PLIN5: variants seen among roughly 807,000 people sequenced by gnomAD.
PLIN5 encodes perilipin-5.
In PLIN5, 34 loss-of-function variants were observed where a neutral mutation model predicts 32.8. The observed-to-expected ratio is 1.04, with a 90% confidence interval of 0.79 to 1.38. The LOEUF (loss-of-function observed/expected upper bound fraction) is 1.38. Ranked by LOEUF, PLIN5 falls within the 40% of genes most tolerant of loss-of-function variation. PLIN5 has a pLI of 0.00. For missense variants in PLIN5, 712 were observed against 660.5 expected (o/e 1.08, Z -0.85); for synonymous variants, 309 against 292.9 (o/e 1.05, Z -0.56).
In PLIN5 at chr19:4,523,437, C is replaced by G; in HGVS notation, c.*91G>C. On this transcript the variant is annotated 3_prime_UTR_variant, in exon 8 of 8. Coordinates refer to ENST00000381848, the MANE Select transcript of PLIN5 (RefSeq NM_001013706.3). This position sits in a 1 kb window ranked among gnomAD's most constrained non-coding sequence, Gnocchi z 5.0. ...CCTGATTCCAAAGAAGGGTCAAGGC[C>G]AAGGCCTCGAGCTTACGTGTGGCCA... 7.1e-7 allele frequency: 1 copy of G among 1,413,002 alleles called. No homozygotes were observed. Among genetic ancestry groups the G allele is most frequent in the Non-Finnish European group, 9.5e-7 (1 of 1,055,732 alleles). 87.5% of individuals were successfully genotyped at this position (1,413,002 alleles called of 1,614,324 possible). A position where few individuals can be genotyped will look rare whatever the true frequency, so the allele number is the denominator to read the frequency against.
At chr19:4,528,413 CT>C (rs374537863) in intron 5 of PLIN5, 633 of 144,916 alleles carry the variant, frequency 4.4e-3, no homozygotes, top group African/African-American at 8.8e-3. Context: ...TCTAGTTTTT[CT>C]TTTTTTTTTT....
rs762087907 is a variant in PLIN5, at chr19:4,525,772, T to C, written c.581A>G (p.Gln194Arg). The C allele has an allele frequency of 5.0e-6, 8 of 1,613,328 alleles. No homozygotes were observed. The highest frequency in any genetic ancestry group is 4.2e-6 in the Non-Finnish European group (5 of 1,179,978). ...EVGSVEDQRR[Q>R]QGYFVRLGSL... ...GCCGAGGCGCACAAAGTAGCCCTGC[T>C]GTCTCCTCTGATCCTCCACCGAACC... The change falls in exon 6 of 8, where the codon CAG becomes CGG. Residue 194 changes from glutamine to arginine, a missense_variant. Gln to Arg is a conservative substitution (Grantham distance 43). Transcript: ENST00000381848. The surrounding 1 kb of genome is among the most constrained non-coding windows in gnomAD (Gnocchi z 5.6).
intron 1 of PLIN5, among the ~76,000 whole-genome samples, chr19:4,534,571 A>C (rs1049975924): frequency 6.6e-6 from 1 of 152,060 alleles, no homozygotes; most frequent in Non-Finnish European, 1.5e-5. Flanking sequence ...GGGTTTCGCC[A>C]TGTTGCCCAG....
At chr19:4,526,903 A>G (rs1458475419) in intron 5 of PLIN5, among the ~76,000 whole-genome samples, 5 of 151,856 alleles carry the variant, frequency 3.3e-5, no homozygotes, top group Non-Finnish European at 1.5e-5. Context: ...TAATAAAAAA[A>G]GAGAAAATCC....
chr19:4,529,155 G>A lies in PLIN5; in HGVS notation c.438C>T (p.Ser146=), dbSNP rs145164043. The change falls in exon 5 of 8, where the codon TCC becomes TCT. Residue 146 remains serine (S), a synonymous_variant. Transcript: ENST00000381848. ...GTACAACATCCACAGCATGGCTCAC[G>A]GAGCGCTTCAGCTCCACGCTCCAGC... ...GRRWSVELKR[S]VSHAVDVVLE... 214 of 1,613,230 alleles carry A rather than the reference G, an allele frequency of 1.3e-4. 4 individuals are homozygous for A. The African/African-American group carries it at 1.8e-3, about 14-fold the overall frequency.
chr19:4,524,143 G>A (rs1344936601), intron 7 of PLIN5, 58 bp from the exon 8 acceptor site: 1 of 1,373,968 alleles, frequency 7.3e-7, no homozygotes, highest in Non-Finnish European at 9.4e-7. Context: ...CTGCTGTCCT[G>A]CCTCGGTTTC....
At chr19:4,526,797 A>G (rs989747427) in intron 5 of PLIN5, among the ~76,000 whole-genome samples, 10 of 151,558 alleles carry the variant, frequency 6.6e-5, no homozygotes, top group Non-Finnish European at 7.4e-5. Flanking sequence ...ATTGAAGGCT[A>G]TGGTTAGCTA....
rs750686826 is a variant in PLIN5 at position 4,523,893 on chromosome 19, C to T, written c.1027G>A (p.Ala343Thr). 34 of 1,514,998 alleles carry T rather than the reference C, an allele frequency of 2.2e-5. No homozygotes were observed. The Middle Eastern group carries it at 7.0e-4, about 31-fold the overall frequency. The allele number at this position is 1,514,998 out of a possible 1,614,324, so 93.8% of individuals were successfully genotyped here. The change falls in exon 8 of 8, where the codon GCG becomes ACG. Residue 343 changes from alanine (A) to threonine (T), a missense_variant. Transcript: ENST00000381848. This position sits in a 1 kb window ranked among gnomAD's most constrained non-coding sequence, Gnocchi z 5.0. ...ACGCGACCCCGGCCCTCGGCCAGCG[C>T]GGCCGCTGGCACGTCCCTGAAGCAG... Reference protein sequence around the residue: ...ARCFRDVPAAALAEGRGRVAH... With the variant: ...ARCFRDVPAATLAEGRGRVAH...
At position 4,531,614 on chromosome 19, in the gene PLIN5, C is replaced by T. The variant is rs529075547; in HGVS notation, c.256+13G>A. ...AAGCCACAGCTCCCAGGGACACGGG[C>T]CAGGGCACTCACGCTGGGGCTGCAG... is the stretch of plus-strand genomic sequence containing the variant. On this transcript the variant is annotated intron_variant, in intron 3 of 7. Coordinates refer to ENST00000381848, the MANE Select transcript of PLIN5 (RefSeq NM_001013706.3). 4.0e-6 allele frequency: 6 copies of T among 1,503,456 alleles called. No individual in the cohort carries two copies. In the East Asian group the frequency reaches 1.2e-4, roughly 31 times the overall value. 93.1% of individuals were successfully genotyped at this position (1,503,456 alleles called of 1,614,324 possible).
At chr19:4,534,577 C>T (rs147059431) in intron 1 of PLIN5, among the ~76,000 whole-genome samples, 2 of 152,218 alleles carry the variant, frequency 1.3e-5, no homozygotes, top group South Asian at 2.1e-4. Flanking sequence ...CGCCATGTTG[C>T]CCAGGCTGGT....
chr19:4,525,807 G>T lies in PLIN5; in HGVS notation c.546C>A (p.Gly182=). 6.2e-7 allele frequency: 1 copy of T among 1,612,586 alleles called. No homozygotes were observed. The highest frequency in any genetic ancestry group is 8.5e-7 in the Non-Finnish European group (1 of 1,179,748). Residue 182 remains glycine (G), a synonymous_variant, in exon 6 of 8, where the codon GGC becomes GGA. Transcript: ENST00000381848. This position sits in a 1 kb window ranked among gnomAD's most constrained non-coding sequence, Gnocchi z 5.6. ...GATCCTCCACCGAACCCACTTCAGGGCCTTCAGCCTCAGCCGCCAGTGCCG... is the reference window on the plus strand; with the variant it reads ...GATCCTCCACCGAACCCACTTCAGGTCCTTCAGCCTCAGCCGCCAGTGCCG... ...ELAALAAEAE[G]PEVGSVEDQR...
chr19:4,529,509 CAT>C lies in PLIN5; in HGVS notation c.340-258_340-257del, dbSNP rs1299234420. Reference sequence around the variant, plus strand: ...ACATATACACACATATACATATATACATGTATATATACACATATACATATATA... The same window carrying C: ...ACATATACACACATATACATATATACGTATATATACACATATACATATATA... On this transcript the variant is annotated intron_variant, in intron 4 of 7. Coordinates refer to ENST00000381848, the MANE Select transcript of PLIN5 (RefSeq NM_001013706.3). 7.7e-6 allele frequency: 4 copies of C among 518,780 alleles called. No individual in the cohort carries two copies. In the African/African-American group the frequency reaches 7.7e-5, roughly 10 times the overall value. 32.1% of individuals were successfully genotyped at this position (518,780 alleles called of 1,614,324 possible).
At chr19:4,524,831 C>T (rs1244670616) in intron 7 of PLIN5, 132 bp downstream of exon 7, 1 of 621,654 alleles carries the variant, frequency 1.6e-6, no homozygotes, top group East Asian at 3.4e-5. Context: ...ACTAGCTGAG[C>T]TCAGCACTTG....
rs560246661 is a variant in PLIN5 at position 4,525,247 on chromosome 19, A to T, written c.721-171T>A. On this transcript the variant is annotated intron_variant, in intron 6 of 7. Coordinates refer to ENST00000381848, the MANE Select transcript of PLIN5 (RefSeq NM_001013706.3). This position sits in a 1 kb window ranked among gnomAD's most constrained non-coding sequence, Gnocchi z 5.6. Reference sequence around the variant, plus strand: ...TTGGACCCCAAGGGAGGTGGGAGCCATAGAGGGCTGTGGGTAAAGAAGGGA... The same window carrying T: ...TTGGACCCCAAGGGAGGTGGGAGCCTTAGAGGGCTGTGGGTAAAGAAGGGA... 6.6e-6 allele frequency among the ~76,000 whole-genome samples: 1 copy of T among 152,244 alleles called. No individual in the cohort carries two copies. Among genetic ancestry groups the T allele is most frequent in the East Asian group, 1.9e-4 (1 of 5,180 alleles).
intron 2 of PLIN5, chr19:4,533,574 C>T (rs1188475645): frequency 2.2e-5 from 6 of 267,196 alleles, no homozygotes; most frequent in Admixed American, 9.8e-5. Flanking sequence ...CTGAACTGTT[C>T]GGTGCCTTTG....
chr19:4,530,818 G>T (rs769572166), intron 3 of PLIN5, among the ~76,000 whole-genome samples: 12 of 151,402 alleles, frequency 7.9e-5, no homozygotes, highest in Non-Finnish European at 1.5e-4. Context: ...GATTACAGGC[G>T]CCCTCCACCA....
intron 1 of PLIN5, among the ~76,000 whole-genome samples, chr19:4,534,687 G>A (rs1976926106): frequency 1.3e-5 from 2 of 152,104 alleles, no homozygotes; most frequent in Admixed American, 1.3e-4. Flanking sequence ...GTGATTTTTG[G>A]CAAGCACCTT....
Position 4,533,998 on chromosome 19 carries a change from G to A in PLIN5, c.60+17C>T. The A allele has an allele frequency of 1.2e-6, 2 of 1,610,582 alleles. No homozygotes were observed. Among genetic ancestry groups the A allele is most frequent in the African/African-American group, 1.3e-5 (1 of 74,922 alleles). On this transcript the variant is annotated intron_variant, in intron 2 of 7. Coordinates refer to ENST00000381848, the MANE Select transcript of PLIN5 (RefSeq NM_001013706.3). Reference sequence around the variant, plus strand: ...CAATACCTTCTGTCCCTGCTCCATGGGAGGGGCAGCCCTCACCTGCTGGTC... The same window carrying A: ...CAATACCTTCTGTCCCTGCTCCATGAGAGGGGCAGCCCTCACCTGCTGGTC...
At position 4,529,561 on chromosome 19, in the gene PLIN5, C is replaced by T. The variant is rs967043458; in HGVS notation, c.339+223G>A. 24 of 482,990 alleles carry T rather than the reference C, an allele frequency of 5.0e-5. No individual in the cohort carries two copies. The Admixed American group carries it at 7.4e-4, about 15-fold the overall frequency. The allele number at this position is 482,990 out of a possible 1,614,324, so 29.9% of individuals were successfully genotyped here. On this transcript the variant is annotated intron_variant, in intron 4 of 7. Transcript: ENST00000381848. Reference sequence around the variant, plus strand: ...ACTTATACGTATATATACATATATACTTATACGTATATATACATATATACA... The same window carrying T: ...ACTTATACGTATATATACATATATATTTATACGTATATATACATATATACA...
Sources: gnomAD v4.1 joint callset for allele counts (sites outside exome capture counted in the v4.1 genomes callset) on GRCh38, gnomAD v4.1.1 for gene constraint, Gnocchi (gnomAD v3.1) non-coding constraint, MANE v1.5 for transcripts, NCBI Gene and HGNC (gene_info 2026-07-23, HGNC 2026-07-21) for gene names.